THRB: variants seen among roughly 807,000 people sequenced by gnomAD.
THRB encodes the protein nuclear receptor subfamily 1 group A member 2.
A neutral mutation model predicts 47.8 loss-of-function variants in THRB; 12 were observed. The observed-to-expected ratio is 0.25, with a 90% CI of 0.16 to 0.41. THRB has a LOEUF of 0.41. Among genes scored for constraint, THRB ranks in the 10% least tolerant of loss-of-function variants. The pLI, the probability that THRB is intolerant of heterozygous loss-of-function variation, is 1.00. For synonymous variants in THRB, 218 were observed against 212.2 expected (o/e 1.03, Z -0.24); for missense variants, 348 against 589.2 (o/e 0.59, Z 4.24).
At chr3:24,277,783 T>TC (rs1474095578) in intron 3 of THRB, among the ~76,000 whole-genome samples, 1 of 152,218 alleles carries the variant, frequency 6.6e-6, no homozygotes, top group Non-Finnish European at 1.5e-5. Flanking sequence ...TCAAGAGCTT[T>TC]CCTGGCCAAA....
chr3:24,220,644 G>A (rs2047059667), intron 4 of THRB, among the ~76,000 whole-genome samples: 1 of 152,132 alleles, frequency 6.6e-6, no homozygotes, highest in African/African-American at 2.4e-5. Context: ...GAATCTCTAG[G>A]AGTTTTGAGG....
In THRB at chr3:24,430,304, A is replaced by G. The variant is rs1029140454; in HGVS notation, c.-261+64348T>C. 2.6e-5 allele frequency: 4 copies of G among 152,164 alleles called. No individual in the cohort carries two copies. In the East Asian group the frequency reaches 7.7e-4, roughly 29 times the overall value. 9.4% of individuals were successfully genotyped at this position (152,164 alleles called of 1,614,324 possible). Reference sequence around the variant, plus strand: ...AGAAATAGACAAAGTGTTCCATGACATAGACCAAAAGCAGCTTCATATGTG... The same window carrying G: ...AGAAATAGACAAAGTGTTCCATGACGTAGACCAAAAGCAGCTTCATATGTG... On this transcript the variant is annotated intron_variant, in intron 1 of 10. Coordinates refer to ENST00000646209, the MANE Select transcript of THRB (RefSeq NM_001354712.2).
chr3:24,214,149 G>A (rs925477077), intron 4 of THRB, among the ~76,000 whole-genome samples: 1 of 152,216 alleles, frequency 6.6e-6, no homozygotes, highest in Non-Finnish European at 1.5e-5. Flanking sequence ...AAGAGGTAAA[G>A]CCACAATGGA....
intron 4 of THRB, among the ~76,000 whole-genome samples, chr3:24,203,139 G>C (rs182653208): frequency 2.0e-5 from 3 of 152,202 alleles, no homozygotes; most frequent in Admixed American, 6.5e-5. Context: ...CCAGCCGGGC[G>C]CAGTGGCTCA....
chr3:24,438,584 C>T (rs986154329), intron 1 of THRB, among the ~76,000 whole-genome samples: 5 of 151,730 alleles, frequency 3.3e-5, no homozygotes, highest in East Asian at 1.9e-4. Context: ...ATGAGATCCA[C>T]GGGATCATTG....
Position 24,288,742 on chromosome 3 carries a change from T to G in THRB, c.-43+8484A>C, listed in dbSNP as rs139409451. ...TATGGGTCCCAACACATAAGTGGGT[T>G]GTGAAATCAATTTAGTGGGTAGCAA... is the stretch of plus-strand genomic sequence containing the variant. On this transcript the variant is annotated intron_variant, in intron 3 of 10. Coordinates refer to ENST00000646209, the MANE Select transcript of THRB (RefSeq NM_001354712.2). Among the ~76,000 whole-genome samples, 1,248 of 152,318 alleles carry G rather than the reference T, an allele frequency of 8.2e-3. 21 individuals are homozygous for G. The highest frequency in any genetic ancestry group is 0.028 in the African/African-American group (1,182 of 41,576).
At chr3:24,222,491 C>A (rs1667743) in intron 4 of THRB, among the ~76,000 whole-genome samples, 99,473 of 151,920 alleles carry the variant, frequency 0.65, 34,091 homozygotes, top group African/African-American at 0.86. Context: ...TGTGTACAGC[C>A]GACTCATCAG....
chr3:24,450,910 T>C (rs1285093117), intron 1 of THRB, among the ~76,000 whole-genome samples: 6 of 152,204 alleles, frequency 3.9e-5, no homozygotes, highest in Admixed American at 3.9e-4. Flanking sequence ...CCTTCATAAA[T>C]GTGCATTATG....
chr3:24,219,599 C>T (rs557577982), intron 4 of THRB, among the ~76,000 whole-genome samples: 1 of 152,200 alleles, frequency 6.6e-6, no homozygotes. Flanking sequence ...TAGAGCATCA[C>T]TAATTACATT....
rs199810848 is a variant in THRB, at chr3:24,431,261, T to TAC, written c.-261+63389_-261+63390dup. 8.5e-3 allele frequency among the ~76,000 whole-genome samples: 1,158 copies of TAC among 135,748 alleles called. 14 individuals carry two copies. Among genetic ancestry groups the TAC allele is most frequent in the African/African-American group, 0.026 (959 of 36,942 alleles). The allele number at this position is 135,748 out of a possible 152,430, so 89.1% of individuals were successfully genotyped here. On this transcript the variant is annotated intron_variant, in intron 1 of 10. Transcript: ENST00000646209. ...GGATCAGTCTCTCTCTCTCTCTCTCTACACACACACACACACACACACACA... is the reference window on the plus strand; with the variant it reads ...GGATCAGTCTCTCTCTCTCTCTCTCTACACACACACACACACACACACACACA...
At chr3:24,424,755 T>C (rs2069595581) in intron 1 of THRB, among the ~76,000 whole-genome samples, 1 of 152,008 alleles carries the variant, frequency 6.6e-6, no homozygotes, top group African/African-American at 2.4e-5. Context: ...AGTAAATGCA[T>C]TGTTTTATTT....
chr3:24,406,040 G>A (rs960467450), intron 1 of THRB, among the ~76,000 whole-genome samples: 3 of 151,432 alleles, frequency 2.0e-5, no homozygotes, highest in Admixed American at 2.0e-4. Flanking sequence ...AGTACACTTT[G>A]ATTTTTAAGT....
At chr3:24,131,406 A>G (rs1007380171) in intron 9 of THRB, among the ~76,000 whole-genome samples, 1 of 152,234 alleles carries the variant, frequency 6.6e-6, no homozygotes, top group East Asian at 1.9e-4. Context: ...GGGAAGCTCC[A>G]TGGCCAACAC....
chr3:24,431,279 CACACA>C (rs1180847082), intron 1 of THRB, among the ~76,000 whole-genome samples: 1 of 151,684 alleles, frequency 6.6e-6, no homozygotes, highest in Non-Finnish European at 1.5e-5. Flanking sequence ...CACACACACA[CACACA>C]CACACACACA....
chr3:24,290,105 C>T (rs2055767429), intron 3 of THRB, among the ~76,000 whole-genome samples: 1 of 152,002 alleles, frequency 6.6e-6, no homozygotes, highest in South Asian at 2.1e-4. Context: ...GACATGTTTG[C>T]AAGGCAATAA....
intron 2 of THRB, among the ~76,000 whole-genome samples, chr3:24,330,199 C>G (rs1576891843): frequency 6.6e-6 from 1 of 151,734 alleles, no homozygotes; most frequent in Non-Finnish European, 1.5e-5. Context: ...CCCAGCTACT[C>G]GGGAGGCTGA....
At chr3:24,201,229 A>C (rs927592846) in intron 4 of THRB, among the ~76,000 whole-genome samples, 3 of 152,024 alleles carry the variant, frequency 2.0e-5, no homozygotes, top group African/African-American at 2.4e-5. Flanking sequence ...AATTTCTTAA[A>C]TTAGAGTTGG....
intron 1 of THRB, among the ~76,000 whole-genome samples, chr3:24,444,188 A>C (rs1283577994): frequency 2.0e-5 from 3 of 152,214 alleles, no homozygotes; most frequent in Admixed American, 1.3e-4. Flanking sequence ...ATTCTGGCTA[A>C]TGTTATAGGA....
rs1195479636 is a variant in THRB, at chr3:24,143,599, G to C, written c.640C>G (p.Pro214Ala). ...ATGAGCTCCCATTCCTCGTCTGTGGGCTCTGGCTTGTGCCCGATGGACTTC... is the reference window on the plus strand; with the variant it reads ...ATGAGCTCCCATTCCTCGTCTGTGGCCTCTGGCTTGTGCCCGATGGACTTC... ...LQKSIGHKPE[P>A]TDEEWELIKT... The change falls in exon 8 of 11, where the codon CCC (proline) becomes GCC (alanine). Residue 214 changes from proline (P) to alanine (A), a missense_variant. Transcript: ENST00000646209. 6.2e-7 allele frequency: 1 copy of C among 1,614,184 alleles called. No individual in the cohort carries two copies. Among genetic ancestry groups the C allele is most frequent in the Non-Finnish European group, 8.5e-7 (1 of 1,180,020 alleles).
Sources: gnomAD v4.1 joint callset for allele counts (sites outside exome capture counted in the v4.1 genomes callset) on GRCh38, gnomAD v4.1.1 for gene constraint, MANE v1.5 for transcripts, NCBI Gene and HGNC (gene_info 2026-07-23, HGNC 2026-07-21) for gene names.